The following ENPP6 variants were observed in gnomAD, a reference collection of about 807,000 sequenced individuals.
ENPP6 encodes glycerophosphocholine cholinephosphodiesterase ENPP6.
A neutral mutation model predicts 42.0 loss-of-function variants in ENPP6; 32 were observed. The ratio of observed to expected loss-of-function variants is 0.76; its 90% confidence interval spans 0.58 to 1.02. The LOEUF (loss-of-function observed/expected upper bound fraction) is 1.02. ENPP6 is among the 50% of genes least tolerant of loss of function. The pLI is 0.00. For synonymous variants in ENPP6, 213 were observed against 216.0 expected (o/e 0.99, Z 0.12); for missense variants, 552 against 566.8 (o/e 0.97, Z 0.27).
chr4:184,203,089 C>A (rs1351485149), intron 1 of ENPP6, among the ~76,000 whole-genome samples: 8 of 146,412 alleles, frequency 5.5e-5, no homozygotes, highest in Non-Finnish European at 7.5e-5. Context: ...ACTAAAAATA[C>A]AAAAAAAAAA....
At chr4:184,111,403 G>A (rs2111340795) in intron 6 of ENPP6, among the ~76,000 whole-genome samples, 1 of 152,338 alleles carries the variant, frequency 6.6e-6, no homozygotes, top group East Asian at 1.9e-4. Context: ...CAGGTGACTT[G>A]CTTGACCACA....
intron 5 of ENPP6, among the ~76,000 whole-genome samples, chr4:184,114,355 A>G (rs1490487784): frequency 1.3e-5 from 2 of 152,244 alleles, no homozygotes; most frequent in African/African-American, 4.8e-5. Context: ...CTTTAGCCAA[A>G]TCAGGCATAT....
intron 1 of ENPP6, among the ~76,000 whole-genome samples, chr4:184,209,978 G>A (rs13135311): frequency 0.16 from 22,400 of 142,846 alleles, 2,279 homozygotes; most frequent in Non-Finnish European, 0.23. Context: ...TTCATATCCA[G>A]CCAAACTAAG....
At chr4:184,118,352 A>C (rs1196502728) in intron 3 of ENPP6, among the ~76,000 whole-genome samples, 1 of 152,200 alleles carries the variant, frequency 6.6e-6, no homozygotes, top group African/African-American at 2.4e-5. Flanking sequence ...TTCATGAATA[A>C]AGTTTACCAT....
In ENPP6 at chr4:184,131,259, TCTTCCTTCCTTCC is replaced by T. The variant is rs1450952485; in HGVS notation, c.422-7000_422-6988del. ...CCTTTTCTTTCTTTCTTTCTCTTTC[TCTTCCTTCCTTCC>T]TTCCTTCCTTCCTTCCTTCCTTCCT... On this transcript the variant is annotated intron_variant, in intron 2 of 7. Coordinates refer to ENST00000296741, the MANE Select transcript of ENPP6 (RefSeq NM_153343.4). Among the ~76,000 whole-genome samples, 442 of 73,346 alleles carry T rather than the reference TCTTCCTTCCTTCC, an allele frequency of 6.0e-3. 46 individuals carry two copies. Among genetic ancestry groups the T allele is most frequent in the African/African-American group, 0.022 (409 of 18,318 alleles). 48.1% of individuals were successfully genotyped at this position (73,346 alleles called of 152,430 possible). A position where few individuals can be genotyped will look rare whatever the true frequency, so the allele number is the denominator to read the frequency against.
At chr4:184,159,367 C>T (rs1737226065) in intron 1 of ENPP6, among the ~76,000 whole-genome samples, 1 of 152,170 alleles carries the variant, frequency 6.6e-6, no homozygotes, top group Non-Finnish European at 1.5e-5. Context: ...AGGGAGGCAA[C>T]ACAGCTGCAT....
chr4:184,129,279 A>ACCC (rs5864873), intron 2 of ENPP6, among the ~76,000 whole-genome samples: 7 of 149,622 alleles, frequency 4.7e-5, no homozygotes, highest in African/African-American at 1.7e-4. Context: ...GTACACAAAC[A>ACCC]CCCCCCCAAC....
intron 2 of ENPP6, among the ~76,000 whole-genome samples, chr4:184,150,249 G>A (rs1737003871): frequency 6.6e-6 from 1 of 152,270 alleles, no homozygotes; most frequent in South Asian, 2.1e-4. Flanking sequence ...ACTCTTCACT[G>A]TGGGTCAATT....
At chr4:184,174,182 G>A (rs1016621431) in intron 1 of ENPP6, among the ~76,000 whole-genome samples, 1 of 150,554 alleles carries the variant, frequency 6.6e-6, no homozygotes, top group Non-Finnish European at 1.5e-5. Flanking sequence ...CTGTCACCGA[G>A]GCTGGAGAGC....
intron 1 of ENPP6, among the ~76,000 whole-genome samples, chr4:184,163,253 A>T (rs1364120856): frequency 1.3e-5 from 2 of 152,188 alleles, no homozygotes; most frequent in African/African-American, 4.8e-5. Context: ...AAGGGACCTC[A>T]GGCGGCCTCC....
intron 2 of ENPP6, among the ~76,000 whole-genome samples, chr4:184,131,112 T>C (rs1279875234): frequency 6.6e-6 from 1 of 151,866 alleles, no homozygotes; most frequent in Non-Finnish European, 1.5e-5. Context: ...TGTAAAGCTA[T>C]TGTTTCAACT....
intron 3 of ENPP6, among the ~76,000 whole-genome samples, chr4:184,122,584 C>G (rs1246711404): frequency 6.6e-6 from 1 of 152,194 alleles, no homozygotes; most frequent in Non-Finnish European, 1.5e-5. Context: ...CCGGTGCCAA[C>G]CTGCACTGGC....
At chr4:184,168,055 G>C (rs1267180563) in intron 1 of ENPP6, among the ~76,000 whole-genome samples, 1 of 152,150 alleles carries the variant, frequency 6.6e-6, no homozygotes, top group African/African-American at 2.4e-5. Context: ...GGTAGGATGA[G>C]AACTGGCAGG....
intron 1 of ENPP6, among the ~76,000 whole-genome samples, chr4:184,193,119 C>T (rs1376382922): frequency 6.6e-6 from 1 of 152,242 alleles, no homozygotes; most frequent in Non-Finnish European, 1.5e-5. Context: ...TATGATGCAA[C>T]AATTTCACTC....
chr4:184,185,839 A>T (rs1022176247), intron 1 of ENPP6, among the ~76,000 whole-genome samples: 1 of 152,256 alleles, frequency 6.6e-6, no homozygotes. Flanking sequence ...TTAGATTTCA[A>T]ATAATGTTCT....
chr4:184,174,743 G>A (rs1007871835), intron 1 of ENPP6, among the ~76,000 whole-genome samples: 4 of 85,646 alleles, frequency 4.7e-5, no homozygotes, highest in Middle Eastern at 6.5e-3. Flanking sequence ...GAGTTTGATG[G>A]CCCATGTTCA....
At chr4:184,111,656 G>A (rs902998858) in intron 6 of ENPP6, among the ~76,000 whole-genome samples, 15 of 152,230 alleles carry the variant, frequency 9.9e-5, no homozygotes, top group Non-Finnish European at 4.4e-5. Flanking sequence ...ACCCCTAACC[G>A]AATCTGCTCT....
chr4:184,116,126 G>C lies in ENPP6; in HGVS notation c.855+730C>G, dbSNP rs1736309217. On this transcript the variant is annotated intron_variant, in intron 5 of 7. Coordinates refer to ENST00000296741, the MANE Select transcript of ENPP6 (RefSeq NM_153343.4). ...TAGACCCAACTACCCAGGAGGCTGA[G>C]ACAGGAGAATGGCATGAACCCGGGA... 2.0e-5 allele frequency among the ~76,000 whole-genome samples: 3 copies of C among 152,162 alleles called. No homozygotes were observed. In the South Asian group the frequency reaches 6.2e-4, roughly 32 times the overall value.
Position 184,139,857 on chromosome 4 carries a change from A to C in ENPP6, c.421+13697T>G, listed in dbSNP as rs76394340. 6.4e-3 allele frequency among the ~76,000 whole-genome samples: 396 copies of C among 62,126 alleles called. 23 individuals are homozygous for C. Among genetic ancestry groups the C allele is most frequent in the South Asian group, 0.024 (39 of 1,658 alleles). 40.8% of individuals were successfully genotyped at this position (62,126 alleles called of 152,430 possible). A position where few individuals can be genotyped will look rare whatever the true frequency, so the allele number is the denominator to read the frequency against. ...CTTTATAGCAGCATGATTTATAGTC[A>C]TTTGGGTATATATCCAGTAATGGGA... On this transcript the variant is annotated intron_variant, in intron 2 of 7. Transcript: ENST00000296741.
Sources: allele counts gnomAD v4.1 joint callset (sites outside exome capture counted in the v4.1 genomes callset), GRCh38; gene constraint gnomAD v4.1.1; transcripts MANE v1.5; gene names NCBI Gene and HGNC (gene_info 2026-07-23, HGNC 2026-07-21).